Variants in ANO4 observed in about 807,000 individuals in gnomAD.
ANO4 encodes anoctamin 4, also known as anoctamin-4.
ANO4 carries 69 observed loss-of-function variants against 141.9 expected under a neutral mutation model. The ratio of observed to expected loss-of-function variants is 0.49; its 90% CI spans 0.40 to 0.59. The LOEUF is 0.59. Ranked by LOEUF, ANO4 falls within the 20% of genes least tolerant of loss-of-function variation. The pLI is 0.00. For synonymous variants in ANO4, 350 were observed against 394.3 expected (o/e 0.89, Z 1.33); for missense variants, 894 against 1,162.2 (o/e 0.77, Z 3.36).
At chr12:100,966,838 TACACACACACATATACAC>T (rs1444112165) in intron 5 of ANO4, among the ~76,000 whole-genome samples, 1 of 150,332 alleles carries the variant, frequency 6.7e-6, no homozygotes, top group Non-Finnish European at 1.5e-5. Context: ...CACATATATA[TACACACACACATATACAC>T]ACATGTATAT....
At chr12:100,757,546 A>G (rs1464308486) in intron 3 of ANO4, among the ~76,000 whole-genome samples, 2 of 152,198 alleles carry the variant, frequency 1.3e-5, no homozygotes, top group African/African-American at 4.8e-5. Flanking sequence ...GATACCGTAT[A>G]CCATGAACTT....
chr12:101,090,428 A>T (rs1485801162), intron 17 of ANO4, among the ~76,000 whole-genome samples: 1 of 152,214 alleles, frequency 6.6e-6, no homozygotes, highest in Admixed American at 6.5e-5. Flanking sequence ...ATAAAAAAGG[A>T]TGAGTTCATG....
At chr12:100,826,338 A>G (rs1453298224) in intron 1 of ANO4, among the ~76,000 whole-genome samples, 1 of 152,044 alleles carries the variant, frequency 6.6e-6, no homozygotes, top group African/African-American at 2.4e-5. Context: ...AAGATTCACT[A>G]AGCTTATTCT....
At chr12:101,099,533 T>C (rs1480092996) in intron 21 of ANO4, 45 bp from the exon 22 acceptor site, 2 of 1,536,702 alleles carry the variant, frequency 1.3e-6, no homozygotes, top group South Asian at 2.6e-5. Context: ...ACCTAAGTCA[T>C]ATGATCAGTT....
intron 16 of ANO4, among the ~76,000 whole-genome samples, 173 bp downstream of exon 16, chr12:101,083,991 A>G (rs1157161979): frequency 6.6e-6 from 1 of 152,216 alleles, no homozygotes; most frequent in Non-Finnish European, 1.5e-5. Context: ...CCCATATTAC[A>G]GATAGAACAA....
At chr12:100,741,961 T>C (rs1434830243) in intron 3 of ANO4, among the ~76,000 whole-genome samples, 1 of 152,146 alleles carries the variant, frequency 6.6e-6, no homozygotes, top group Non-Finnish European at 1.5e-5. Flanking sequence ...ACTTTTTTTC[T>C]CCTCCATAGA....
At chr12:101,011,323 T>C (rs112288622) in intron 8 of ANO4, among the ~76,000 whole-genome samples, 3 of 150,802 alleles carry the variant, frequency 2.0e-5, no homozygotes, top group Non-Finnish European at 4.4e-5. Flanking sequence ...TTTTTCTTTT[T>C]TTTTTTTTTT....
chr12:100,775,415 A>G (rs949855557), intron 3 of ANO4, among the ~76,000 whole-genome samples: 1 of 152,096 alleles, frequency 6.6e-6, no homozygotes, highest in South Asian at 2.1e-4. Flanking sequence ...TTCTTTTTTT[A>G]TTAGTTGCTT....
chr12:100,905,234 A>G (rs752971564), intron 2 of ANO4, among the ~76,000 whole-genome samples: 16 of 152,316 alleles, frequency 1.1e-4, no homozygotes, highest in East Asian at 1.9e-4. Context: ...ATAGTTGTTG[A>G]CATATAAGTG....
At chr12:100,737,494 C>T (rs1161228908) in intron 2 of ANO4, among the ~76,000 whole-genome samples, 1 of 152,168 alleles carries the variant, frequency 6.6e-6, no homozygotes, top group Non-Finnish European at 1.5e-5. Flanking sequence ...ATCTTTGGCC[C>T]TATCAGGCCC....
intron 1 of ANO4, among the ~76,000 whole-genome samples, chr12:100,804,323 T>TAC (rs2034871218): frequency 6.6e-6 from 1 of 152,222 alleles, no homozygotes; most frequent in Non-Finnish European, 1.5e-5. Flanking sequence ...GGTATATATA[T>TAC]ACGACATTTC....
chr12:100,778,447 G>T (rs1254883119), intron 3 of ANO4, among the ~76,000 whole-genome samples: 1 of 152,180 alleles, frequency 6.6e-6, no homozygotes, highest in Non-Finnish European at 1.5e-5. Flanking sequence ...AACATTTAGT[G>T]TTGCATTCTG....
chr12:100,987,665 C>T lies in ANO4; in HGVS notation c.729C>T (p.Ile243=), dbSNP rs756394333. ...CYTAPFSQQR[I]HHFIIHNKET... ...CTGCCCCTTTCAGCCAGCAAAGGAT[C>T]CATCAGTGAGTGTTCCATGTTAAAG... The change falls in exon 8 of 28, where the codon ATC becomes ATT. Residue 243 remains isoleucine (I), a synonymous_variant. Transcript: ENST00000392977. 1 of 1,613,828 alleles carries T rather than the reference C, an allele frequency of 6.2e-7. No individual in the cohort carries two copies. Among genetic ancestry groups the T allele is most frequent in the Non-Finnish European group, 8.5e-7 (1 of 1,179,892 alleles).
intron 7 of ANO4, among the ~76,000 whole-genome samples, chr12:100,985,885 A>C (rs1044838017): frequency 2.0e-5 from 3 of 152,210 alleles, no homozygotes; most frequent in African/African-American, 2.4e-5. Flanking sequence ...TTTCACTGTG[A>C]TGGTTAATTT....
exon 2 of ANO4, chr12:100,733,822 G>A: frequency 2.8e-6 from 2 of 702,124 alleles, no homozygotes; most frequent in Non-Finnish European, 5.2e-6. Context: ...GCAACGACGG[G>A]CAGCTACTAC....
At chr12:101,031,162 T>C (rs1174166721) in intron 9 of ANO4, among the ~76,000 whole-genome samples, 1 of 152,194 alleles carries the variant, frequency 6.6e-6, no homozygotes, top group African/African-American at 2.4e-5. Flanking sequence ...ATATTCCTGA[T>C]GAATATCGAT....
chr12:101,089,427 T>C (rs1029452398), intron 17 of ANO4, among the ~76,000 whole-genome samples: 2 of 152,118 alleles, frequency 1.3e-5, no homozygotes, highest in Admixed American at 6.6e-5. Flanking sequence ...AAGTGGAGAT[T>C]GAAAGTAGAT....
intron 1 of ANO4, among the ~76,000 whole-genome samples, chr12:100,823,072 T>C (rs1347453335): frequency 6.6e-6 from 1 of 152,044 alleles, no homozygotes; most frequent in Non-Finnish European, 1.5e-5. Context: ...TTACAGATAA[T>C]GAATAACACC....
intron 2 of ANO4, 145 bp from the exon 3 acceptor site, chr12:100,922,081 C>A (rs199679837): frequency 1.1e-4 from 31 of 269,720 alleles, no homozygotes; most frequent in East Asian, 1.8e-4. Flanking sequence ...TTTTTTTTTT[C>A]TTAAGTCCTT....
Sources: allele counts gnomAD v4.1 joint callset (sites outside exome capture counted in the v4.1 genomes callset), GRCh38; gene constraint gnomAD v4.1.1; transcripts MANE v1.5; gene names NCBI Gene and HGNC (gene_info 2026-07-23, HGNC 2026-07-21).